The following PCDHA7 variants were observed in gnomAD, a reference collection of about 807,000 sequenced individuals.
The protein encoded by PCDHA7 is protocadherin alpha-7.
Under a neutral mutation model 57.2 loss-of-function variants are expected in PCDHA7, and 37 were observed. The ratio of observed to expected loss-of-function variants is 0.65; its 90% CI spans 0.50 to 0.85. PCDHA7 has a LOEUF of 0.85. Ranked by LOEUF, PCDHA7 falls within the 40% of genes least tolerant of loss-of-function variation. The pLI is 0.00. For synonymous variants in PCDHA7, 553 were observed against 558.8 expected, an observed-to-expected ratio of 0.99 and a Z score of 0.15; for missense variants, 1,188 against 1,241.8, an observed-to-expected ratio of 0.96 and a Z score of 0.65.
chr5:140,936,987 T>A (rs996790487), intron 1 of PCDHA7, among the ~76,000 whole-genome samples: 1 of 152,170 alleles, frequency 6.6e-6, no homozygotes, highest in Non-Finnish European at 1.5e-5. Flanking sequence ...CTTGTTAACA[T>A]TGACAATATT....
At chr5:140,979,563 C>T (rs1480899524) in intron 2 of PCDHA7, among the ~76,000 whole-genome samples, 1 of 152,174 alleles carries the variant, frequency 6.6e-6, no homozygotes, top group African/African-American at 2.4e-5. Context: ...GAAGATGAGC[C>T]ATGTAAAGGG....
At chr5:141,006,678 T>C (rs1554260866) in intron 3 of PCDHA7, among the ~76,000 whole-genome samples, 1 of 151,754 alleles carries the variant, frequency 6.6e-6, no homozygotes, top group Non-Finnish European at 1.5e-5. Flanking sequence ...GCAGTGAAAA[T>C]TGGGAGAAGA....
chr5:141,006,350 T>G (rs1254086807), intron 3 of PCDHA7, among the ~76,000 whole-genome samples: 2 of 152,086 alleles, frequency 1.3e-5, no homozygotes, highest in Non-Finnish European at 2.9e-5. Flanking sequence ...TAGCTGGGAC[T>G]ATAGGCGCCC....
chr5:140,834,404 C>T lies in PCDHA7; in HGVS notation c.21C>T (p.Tyr7=), dbSNP rs17844304. The change falls in exon 1 of 4, where the codon TAC becomes TAT. Residue 7 remains tyrosine (Y), a synonymous_variant. Coordinates refer to ENST00000525929, the MANE Select transcript of PCDHA7 (RefSeq NM_018910.3). ...TTGAAATGGTGTGCCCGAATGGATA[C>T]GACCCAGGGGGCCGACATCTACTGC... MVCPNG[Y]DPGGRHLLLF... The T allele has an allele frequency of 3.7e-6, 6 of 1,606,068 alleles. No individual in the cohort carries two copies. The highest frequency in any genetic ancestry group is 3.3e-5 in the South Asian group (3 of 90,122).
chr5:140,930,567 C>T (rs1192022171), intron 1 of PCDHA7: 11 of 152,480 alleles, frequency 7.2e-5, no homozygotes, highest in African/African-American at 2.2e-4. Context: ...TGAAGCAATT[C>T]TACGGTATTA....
Position 141,009,661 on chromosome 5 carries a change from T to G in PCDHA7, c.2538T>G (p.Gly846=), listed in dbSNP as rs1554262260. ...PEAGEVSPPV[G]AGVNSNSWTF... ...CAGGAGAAGTGTCCCCTCCAGTCGG[T>G]GCGGGTGTCAACAGCAACAGCTGGA... The change falls in exon 4 of 4, where the codon GGT becomes GGG. Residue 846 remains glycine (G), a synonymous_variant. Coordinates refer to ENST00000525929, the MANE Select transcript of PCDHA7 (RefSeq NM_018910.3). 1 of 1,614,030 alleles carries G rather than the reference T, an allele frequency of 6.2e-7. No homozygotes were observed.
rs140423301 is a variant in PCDHA7 at position 140,995,612 on chromosome 5, C to T, written c.2503+13049C>T. Among the ~76,000 whole-genome samples, 11 of 152,156 alleles carry T rather than the reference C, an allele frequency of 7.2e-5. No individual in the cohort carries two copies. In the East Asian group the frequency reaches 2.1e-3, roughly 29 times the overall value. On this transcript the variant is annotated intron_variant, in intron 3 of 3. Transcript: ENST00000525929. ...AACTTAGTGTTTTTCTTCTCCCAAA[C>T]CAAATATTGGAAACTTTGGAGTGTT... is the stretch of plus-strand genomic sequence containing the variant.
At chr5:140,994,004 C>T (rs1366489476) in intron 3 of PCDHA7, among the ~76,000 whole-genome samples, 3 of 152,186 alleles carry the variant, frequency 2.0e-5, no homozygotes, top group Non-Finnish European at 2.9e-5. Context: ...AGGCCAGGCT[C>T]TGTTCTAGGT....
intron 1 of PCDHA7, chr5:140,841,078 T>C: frequency 3.8e-6 from 2 of 527,688 alleles, no homozygotes; most frequent in Non-Finnish European, 6.6e-6. Flanking sequence ...AAATAGAAAG[T>C]GCATAGAAGA....
intron 1 of PCDHA7, among the ~76,000 whole-genome samples, chr5:140,938,387 A>G (rs2092042874): frequency 6.6e-6 from 1 of 152,220 alleles, no homozygotes. Flanking sequence ...AATATTTAAT[A>G]TGAAATACAT....
intron 1 of PCDHA7, chr5:140,882,412 C>A: frequency 6.2e-7 from 1 of 1,614,138 alleles, no homozygotes; most frequent in Non-Finnish European, 8.5e-7. Context: ...TGGGCCGCAT[C>A]GCTCAGGACC....
intron 1 of PCDHA7, chr5:140,929,861 G>C (rs2086430114): frequency 6.5e-6 from 1 of 153,628 alleles, no homozygotes; most frequent in Admixed American, 6.5e-5. Context: ...AGTCAGAGAA[G>C]GCTTTGTGAT....
At chr5:140,928,624 C>T (rs782032190) in intron 1 of PCDHA7, 1 of 1,614,242 alleles carries the variant, frequency 6.2e-7, no homozygotes, top group Non-Finnish European at 8.5e-7. Context: ...CAGGACTGGA[C>T]ACTTGGTCAC....
At chr5:140,911,316 A>G (rs1308533373) in intron 1 of PCDHA7, among the ~76,000 whole-genome samples, 1 of 152,186 alleles carries the variant, frequency 6.6e-6, no homozygotes, top group African/African-American at 2.4e-5. Context: ...TCCAAGTTTC[A>G]GGATCCCATT....
chr5:140,875,015 G>T (rs1479954206), intron 1 of PCDHA7, among the ~76,000 whole-genome samples: 3 of 152,170 alleles, frequency 2.0e-5, no homozygotes, highest in African/African-American at 7.2e-5. Flanking sequence ...TAAAGTGTAG[G>T]TTCTGGCCTA....
intron 1 of PCDHA7, chr5:140,968,948 A>G (rs1554231262): frequency 2.5e-6 from 4 of 1,614,064 alleles, no homozygotes; most frequent in East Asian, 4.5e-5. Flanking sequence ...CATTTTGAGC[A>G]TCATCAAGTG....
rs1373246129 is a variant in PCDHA7, at chr5:140,836,150, T to C, written c.1767T>C (p.His589=). Reference sequence around the variant, plus strand: ...TGCCGCGGTCTGTGGGCGCGGGCCATGTGGTGGCGAAGGTACGTGCAGTTG... The same window carrying C: ...TGCCGCGGTCTGTGGGCGCGGGCCACGTGGTGGCGAAGGTACGTGCAGTTG... ...ELVPRSVGAG[H]VVAKVRAVDA... is the part of the protein sequence containing the mutation. Residue 589 remains histidine, a synonymous_variant, in exon 1 of 4, where the codon CAT becomes CAC. Coordinates refer to ENST00000525929, the MANE Select transcript of PCDHA7 (RefSeq NM_018910.3). 4.3e-6 allele frequency: 7 copies of C among 1,613,640 alleles called. No individual in the cohort carries two copies. Among genetic ancestry groups the C allele is most frequent in the Admixed American group, 1.7e-5 (1 of 60,006 alleles).
chr5:140,983,039 A>C (rs1554245052), intron 3 of PCDHA7, among the ~76,000 whole-genome samples: 1 of 152,036 alleles, frequency 6.6e-6, no homozygotes, highest in Non-Finnish European at 1.5e-5. Flanking sequence ...TTTCTCATGG[A>C]AGTGGAAAAT....
intron 1 of PCDHA7, among the ~76,000 whole-genome samples, chr5:140,922,015 A>G (rs1563050158): frequency 6.6e-6 from 1 of 152,098 alleles, no homozygotes; most frequent in Non-Finnish European, 1.5e-5. Context: ...AGTTTAAAAA[A>G]ATAAATATAA....
Sources: allele counts gnomAD v4.1 joint callset (sites outside exome capture counted in the v4.1 genomes callset), GRCh38; gene constraint gnomAD v4.1.1; transcripts MANE v1.5; gene names NCBI Gene and HGNC (gene_info 2026-07-23, HGNC 2026-07-21).